Variants in HELZ2 observed in about 807,000 individuals in gnomAD.
HELZ2 encodes the protein 3'-5' exoribonuclease HELZ2.
A neutral mutation model predicts 208.8 loss-of-function variants in HELZ2; 143 were observed. That is an observed-to-expected ratio of 0.68 (90% CI 0.60 to 0.79). The LOEUF (loss-of-function observed/expected upper bound fraction) is 0.79. HELZ2 is among the 30% of genes least tolerant of loss of function. HELZ2 has a pLI of 0.00. For synonymous variants in HELZ2, 1,705 were observed against 1,693.7 expected (o/e 1.01, Z -0.16); for missense variants, 3,690 against 3,794.5 (o/e 0.97, Z 0.72).
upstream of HELZ2, chr20:63,572,480 G>C (rs984203806): frequency 1.7e-5 from 22 of 1,322,008 alleles, no homozygotes; most frequent in South Asian, 3.2e-4. Context: ...AGGCTGGCCG[G>C]CCCGGGGCCG....
chr20:63,562,489 A>G, intron 8 of HELZ2, 31 bp downstream of exon 9: 1 of 1,536,828 alleles, frequency 6.5e-7, no homozygotes, highest in Non-Finnish European at 8.8e-7. Flanking sequence ...GCGGTCCCCC[A>G]GCCCAGCCTC....
rs775718365 is a variant in HELZ2 at position 63,561,281 on chromosome 20, G to T, written c.6954-7C>A. The stretch of plus-strand genomic sequence containing the variant: ...CCACAAGACCTTCTTGTACCTGCCG[G>T]GGACACTGCTTGTCACCCCAGGGCC... On this transcript the variant is annotated splice_polypyrimidine_tract_variant and splice_region_variant and intron_variant, in intron 13 of 18. Transcript: ENST00000467148. 1 of 1,612,366 alleles carries T rather than the reference G, an allele frequency of 6.2e-7. No homozygotes were observed. Among genetic ancestry groups the T allele is most frequent in the Admixed American group, 1.7e-5 (1 of 59,952 alleles).
At chr20:63,569,646 G>T in exon 4 of HELZ2, 2 of 1,537,602 alleles carry the variant, frequency 1.3e-6, no homozygotes. Context: ...CTTCAGCAGG[G>T]CCACGTGTAG....
chr20:63,564,321 G>A (rs374521464), exon 8 of HELZ2: 18 of 1,590,236 alleles, frequency 1.1e-5, no homozygotes, highest in African/African-American at 4.0e-5. Flanking sequence ...TCGGACCGCA[G>A]GCGGTGCCGG....
exon 5 of HELZ2, chr20:63,568,547 C>G (rs746020119): frequency 6.3e-7 from 1 of 1,583,904 alleles, no homozygotes; most frequent in Non-Finnish European, 8.6e-7. Context: ...GCGGTTGCCA[C>G]GCCGCAAGGG....
At chr20:63,564,577 G>A (rs1159094124) in exon 8 of HELZ2, 5 of 1,568,064 alleles carry the variant, frequency 3.2e-6, no homozygotes, top group Admixed American at 1.9e-5. Flanking sequence ...GGAGGCTGAG[G>A]ACGTCCTGGC....
exon 8 of HELZ2, chr20:63,565,693 C>T (rs371319914): frequency 1.8e-5 from 29 of 1,608,362 alleles, no homozygotes; most frequent in East Asian, 4.5e-5. Flanking sequence ...CTGCAGCAGC[C>T]GCTCCTGCCG....
chr20:63,560,945 G>T lies in HELZ2; in HGVS notation c.7147-16C>A, dbSNP rs771862814. 5.0e-6 allele frequency: 8 copies of T among 1,611,280 alleles called. No homozygotes were observed. Among genetic ancestry groups the T allele is most frequent in the Non-Finnish European group, 6.8e-6 (8 of 1,179,052 alleles). Reference sequence around the variant, plus strand: ...GAAGAACCACCTGGAGGAATAGGCAGGCCTGGCCCTGACACCCCTAGACCC... The same window carrying T: ...GAAGAACCACCTGGAGGAATAGGCATGCCTGGCCCTGACACCCCTAGACCC... On this transcript the variant is annotated splice_polypyrimidine_tract_variant and intron_variant, in intron 14 of 18. Coordinates refer to ENST00000467148, the Ensembl canonical transcript of HELZ2.
exon 14 of HELZ2, chr20:63,561,132 T>C: frequency 6.2e-7 from 1 of 1,612,984 alleles, no homozygotes; most frequent in Non-Finnish European, 8.5e-7. Context: ...TCAGGTTCCG[T>C]GGCCATGCCT....
rs747752725 is a variant in HELZ2, at chr20:63,564,384, C to T, written c.4438G>A (p.Asp1480Asn). Residue 1480 changes from aspartate (D) to asparagine (N), a missense_variant, in exon 8 of 19, where the codon GAC (aspartate) becomes AAC (asparagine). Physicochemically the swap from Asp to Asn is conservative, Grantham distance 23. Around this residue, in one of 3 missense-constraint regions of HELZ2, gnomAD observed 2,564 missense variants for 2,580.5 expected, o/e 0.99. Coordinates refer to ENST00000467148, the Ensembl canonical transcript of HELZ2. ...GCCACGACGCAGGCGTCCACGGAGTCCAGGCGGGCCGGCAGCTCACGGCCG... is the reference window on the plus strand; with the variant it reads ...GCCACGACGCAGGCGTCCACGGAGTTCAGGCGGGCCGGCAGCTCACGGCCG... 1.7e-5 allele frequency: 26 copies of T among 1,550,860 alleles called. No homozygotes were observed. The African/African-American group carries it at 3.4e-4, about 20-fold the overall frequency.
chr20:63,570,390 G>T (rs373581749), intron 3 of HELZ2, 114 bp downstream of exon 4: 186 of 835,574 alleles, frequency 2.2e-4, no homozygotes, highest in South Asian at 1.6e-3. Flanking sequence ...CGCAGGTGCT[G>T]AGCGGCAGTG....
At chr20:63,559,046 A>G (rs2082846282), downstream of HELZ2, 3 of 563,236 alleles carry the variant, frequency 5.3e-6, no homozygotes, top group Admixed American at 7.3e-5. Flanking sequence ...TCCTGTCCCC[A>G]GATGCCCAGG....
At position 63,570,495 on chromosome 20, in the gene HELZ2, T is replaced by A; in HGVS notation, c.570+9A>T. ...TCCCTCCGCCCAGTCGGAGCTGTTC[T>A]CCGCTCACCTCAGAGTGGACGGCAA... On this transcript the variant is annotated intron_variant, in intron 3 of 18. Coordinates refer to ENST00000467148, the Ensembl canonical transcript of HELZ2. The A allele has an allele frequency of 6.2e-7, 1 of 1,608,544 alleles. No individual in the cohort carries two copies. The highest frequency in any genetic ancestry group is 8.5e-7 in the Non-Finnish European group (1 of 1,175,814).
chr20:63,568,695 G>T (rs763096675), exon 5 of HELZ2: 3 of 1,606,116 alleles, frequency 1.9e-6, no homozygotes, highest in Admixed American at 1.7e-5. Context: ...TCCAGGACCA[G>T]GCGGGCCTCA....
chr20:63,563,086 G>A (rs1371801167), exon 8 of HELZ2: 1 of 1,598,580 alleles, frequency 6.3e-7, no homozygotes, highest in Admixed American at 1.7e-5. Flanking sequence ...CGTGCTCCAG[G>A]CAGAGGCTGA....
rs146140387 is a variant in HELZ2 at position 63,566,826 on chromosome 20, C to G, written c.2514+18G>C. ...GCAGGGGTGCGGTCGGGGGCTGTCC[C>G]GGGCTGGCCGGGCTCACCTGGGCAC... On this transcript the variant is annotated intron_variant, in intron 6 of 18. Transcript: ENST00000467148. 4 of 1,576,876 alleles carry G rather than the reference C, an allele frequency of 2.5e-6. No homozygotes were observed. Among genetic ancestry groups the G allele is most frequent in the Non-Finnish European group, 3.4e-6 (4 of 1,165,770 alleles).
exon 16 of HELZ2, chr20:63,560,696 T>C (rs1479346474): frequency 6.2e-7 from 1 of 1,608,100 alleles, no homozygotes; most frequent in Admixed American, 1.7e-5. Context: ...GATGCCCTCA[T>C]GCTGCAGGCA....
chr20:63,561,453 G>A (rs1276071227), exon 13 of HELZ2: 3 of 1,608,998 alleles, frequency 1.9e-6, no homozygotes, highest in African/African-American at 1.3e-5. Flanking sequence ...ATCCGGTGGT[G>A]CAGGGTGATG....
Position 63,569,129 on chromosome 20 carries a change from C to G in HELZ2, c.1088+19G>C. On this transcript the variant is annotated intron_variant, in intron 4 of 18. Coordinates refer to ENST00000467148, the Ensembl canonical transcript of HELZ2. Reference sequence around the variant, plus strand: ...AGCTGCTCCTGCTACCCCAGCTGCTCCTGTTGCCCCCAGCTCACTTGGCCA... The same window carrying G: ...AGCTGCTCCTGCTACCCCAGCTGCTGCTGTTGCCCCCAGCTCACTTGGCCA... 6.4e-7 allele frequency: 1 copy of G among 1,569,688 alleles called. No homozygotes were observed. The highest frequency in any genetic ancestry group is 8.6e-7 in the Non-Finnish European group (1 of 1,159,956).
Sources: allele counts gnomAD v4.1 joint callset, GRCh38; gene constraint gnomAD v4.1.1; regional missense constraint gnomAD v4.1.1; transcripts MANE v1.5; gene names NCBI Gene and HGNC (gene_info 2026-07-23, HGNC 2026-07-21).